Variants in CTBP1 observed in about 807,000 individuals in gnomAD.
CTBP1 encodes the protein C-terminal binding protein 1, also known as C-terminal-binding protein 1.
A neutral mutation model predicts 42.1 loss-of-function variants in CTBP1; 11 were observed. The observed-to-expected ratio is 0.26, with a 90% CI of 0.16 to 0.43. The LOEUF (loss-of-function observed/expected upper bound fraction) is 0.43, where lower values mean the gene tolerates loss of function less well. Ranked by LOEUF, CTBP1 falls within the 20% of genes least tolerant of loss-of-function variation. CTBP1 has a pLI of 1.00. For missense variants in CTBP1, 399 were observed against 624.3 expected (o/e 0.64, Z 3.85); for synonymous variants, 324 against 277.1 (o/e 1.17, Z -1.68).
chr4:1,228,657 G>A (rs979754870), intron 3 of CTBP1, among the ~76,000 whole-genome samples: 3 of 141,252 alleles, frequency 2.1e-5, no homozygotes, highest in African/African-American at 5.3e-5. Context: ...TTGAGCGTGC[G>A]CCCCACCGAG....
intron 6 of CTBP1, chr4:1,215,575 A>G (rs1293021902): frequency 3.7e-6 from 1 of 273,838 alleles, no homozygotes; most frequent in Non-Finnish European, 7.1e-6. Context: ...ACCTGAGCAC[A>G]GCCCTTTCCA....
chr4:1,240,702 A>G (rs6821834), intron 2 of CTBP1, among the ~76,000 whole-genome samples: 49,967 of 151,862 alleles, frequency 0.33, 8,619 homozygotes, highest in Middle Eastern at 0.44. Context: ...GGAGACACCA[A>G]GCCCCATCAG....
intron 1 of CTBP1, chr4:1,245,530 A>G (rs1444878670): frequency 1.0e-6 from 1 of 985,142 alleles, no homozygotes; most frequent in Admixed American, 6.2e-5. Flanking sequence ...GAGCCCCCAC[A>G]CCACAGACGG....
At chr4:1,241,914 T>C in intron 1 of CTBP1, 3 of 1,054,420 alleles carry the variant, frequency 2.8e-6, no homozygotes, top group Non-Finnish European at 3.4e-6. Flanking sequence ...CTGCCTCCTG[T>C]TCTGGAAGCT....
In CTBP1 at chr4:1,242,584, CAG is replaced by C. The variant is rs1470686221; in HGVS notation, c.-188-1067_-188-1066del. On this transcript the variant is annotated intron_variant, in intron 1 of 9. Transcript: ENST00000382952. ...TCTCCAGCTTCCAGAGACACCATCA[CAG>C]GGGCTGGGGTGCAGCCCCACGCACG... The C allele has an allele frequency of 1.4e-5, 14 of 985,340 alleles. No homozygotes were observed. In the East Asian group the frequency reaches 1.6e-3, roughly 112 times the overall value. 61.0% of individuals were successfully genotyped at this position (985,340 alleles called of 1,614,324 possible).
intron 1 of CTBP1, among the ~76,000 whole-genome samples, chr4:1,248,116 G>T (rs1439264203): frequency 6.6e-6 from 1 of 152,122 alleles, no homozygotes; most frequent in African/African-American, 2.4e-5. Flanking sequence ...CCCAGGACGC[G>T]GGCGCTGCAA....
intron 8 of CTBP1, 129 bp downstream of exon 8, chr4:1,213,349 G>C (rs1238970520): frequency 1.4e-6 from 2 of 1,424,990 alleles, no homozygotes; most frequent in Non-Finnish European, 1.9e-6. Context: ...TGCTGGGGGT[G>C]CAGTGAGAGC....
At chr4:1,223,330 G>T in intron 5 of CTBP1, 1 of 414,230 alleles carries the variant, frequency 2.4e-6, no homozygotes, top group Non-Finnish European at 4.9e-6. Flanking sequence ...CTGGGGTCCT[G>T]GTGGGGGCAC....
chr4:1,238,379 C>T lies in CTBP1; in HGVS notation c.8-42G>A, dbSNP rs1332098222. 1.3e-6 allele frequency: 2 copies of T among 1,511,704 alleles called. No homozygotes were observed. The highest frequency in any genetic ancestry group is 8.8e-7 in the Non-Finnish European group (1 of 1,133,176). The allele number at this position is 1,511,704 out of a possible 1,614,324, so 93.6% of individuals were successfully genotyped here. ...AGTGCTCAGCCTTGCACCACTGCGG[C>T]CCCGTGGCTACAACCCACTCCACGC... On this transcript the variant is annotated intron_variant, in intron 2 of 9. Coordinates refer to ENST00000382952, the MANE Select transcript of CTBP1 (RefSeq NM_001012614.2). The surrounding 1 kb of genome is among the most constrained non-coding windows in gnomAD (Gnocchi z 5.9).
chr4:1,231,018 G>A (rs932800377), intron 3 of CTBP1: 1 of 152,288 alleles, frequency 6.6e-6, no homozygotes, highest in Non-Finnish European at 1.5e-5. Context: ...CTGAATACAG[G>A]TTTAACAACA....
intron 1 of CTBP1, 94 bp downstream of exon 1, chr4:1,248,822 C>G: frequency 1.1e-6 from 1 of 915,062 alleles, no homozygotes. Context: ...CCCGCGGGCG[C>G]GCGCTCGGTC....
At chr4:1,227,189 C>T (rs1270201933) in intron 4 of CTBP1, among the ~76,000 whole-genome samples, 4 of 149,740 alleles carry the variant, frequency 2.7e-5, no homozygotes, top group East Asian at 4.1e-4. Context: ...TGCAGACGTG[C>T]GTGTTCCATG....
In CTBP1 at chr4:1,225,412, C is replaced by T. The variant is rs1490311264; in HGVS notation, c.462G>A (p.Val154=). The T allele has an allele frequency of 6.4e-7, 1 of 1,566,340 alleles. No homozygotes were observed. Among genetic ancestry groups the T allele is most frequent in the South Asian group, 1.2e-5 (1 of 85,688 alleles). ...CGCGGATCCTGGCAGCGCCGGACGC[C>T]ACCTCGCGGATCTGCTCGACGCTCT... ...RVQSVEQIRE[V]ASGAARIRGE... Residue 154 remains valine, a synonymous_variant, in exon 5 of 10, where the codon GTG becomes GTA. Transcript: ENST00000382952.
At chr4:1,241,856 C>T (rs747957603) in intron 1 of CTBP1, 34 of 1,142,050 alleles carry the variant, frequency 3.0e-5, no homozygotes, top group Admixed American at 1.3e-4. Flanking sequence ...AACCAGGGGA[C>T]GGAGGGCACA....
intron 1 of CTBP1, chr4:1,243,677 C>A (rs1337399508): frequency 1.0e-6 from 1 of 985,356 alleles, no homozygotes; most frequent in African/African-American, 1.7e-5. Flanking sequence ...GCGCACCTCA[C>A]GCCAGGGAGC....
At chr4:1,243,917 G>C (rs1260600550) in intron 1 of CTBP1, 34 of 985,360 alleles carry the variant, frequency 3.5e-5, no homozygotes, top group Non-Finnish European at 3.9e-5. Context: ...TTAACCTCAT[G>C]TTGTAAGAAA....
chr4:1,228,218 G>C lies in CTBP1; in HGVS notation c.288C>G (p.Ile96Met), dbSNP rs1406792913. Reference sequence around the variant, plus strand: ...GCCTACCTAAATCCCCGGCCGACTTGATGTCGATGTTGTCAAAACCACTGC... The same window carrying C: ...GCCTACCTAAATCCCCGGCCGACTTCATGTCGATGTTGTCAAAACCACTGC... ...RIGSGFDNID[I>M]KSAGDLGIAV... is the part of the protein sequence containing the mutation. The change falls in exon 4 of 10, where the codon ATC becomes ATG. Residue 96 changes from isoleucine (I) to methionine (M), a missense_variant. Transcript: ENST00000382952. 2 of 1,614,196 alleles carry C rather than the reference G, an allele frequency of 1.2e-6. No homozygotes were observed. Among genetic ancestry groups the C allele is most frequent in the East Asian group, 2.2e-5 (1 of 44,890 alleles).
At chr4:1,249,503 A>AGCCGCAGCCGCAGCCGCC (rs1203148345), upstream of CTBP1, 5 of 165,034 alleles carry the variant, frequency 3.0e-5, no homozygotes, top group African/African-American at 1.2e-4. Flanking sequence ...CCGCAGCCGC[A>AGCCGCAGCCGCAGCCGCC]GCCGCCCCGC....
Position 1,238,324 on chromosome 4 carries a change from C to A in CTBP1, c.21G>T (p.Pro7=). The A allele has an allele frequency of 6.4e-7, 1 of 1,573,444 alleles. No individual in the cohort carries two copies. Among genetic ancestry groups the A allele is most frequent in the Non-Finnish European group, 8.7e-7 (1 of 1,155,768 alleles). MSGVRP[P]IMNGPLHPRP... is the part of the protein sequence containing the mutation. ...GCGGGTGCAGGGGCCCGTTCATGAT[C>A]GGAGGTCGGACGCCTGCAAGACAGA... The change falls in exon 3 of 10, where the codon CCG becomes CCT. Residue 7 remains proline, a synonymous_variant. Coordinates refer to ENST00000382952, the MANE Select transcript of CTBP1 (RefSeq NM_001012614.2). This position sits in a 1 kb window ranked among gnomAD's most constrained non-coding sequence, Gnocchi z 5.9.
Sources: allele counts gnomAD v4.1 joint callset (sites outside exome capture counted in the v4.1 genomes callset), GRCh38; gene constraint gnomAD v4.1.1; non-coding constraint Gnocchi (gnomAD v3.1); transcripts MANE v1.5; gene names NCBI Gene and HGNC (gene_info 2026-07-23, HGNC 2026-07-21).